TMED5: variants seen among roughly 807,000 people sequenced by gnomAD.
TMED5 encodes the protein transmembrane emp24 domain-containing protein 5.
In TMED5, 27 loss-of-function variants were observed where a neutral mutation model predicts 23.0. The observed-to-expected ratio is 1.17, with a 90% CI of 0.86 to 1.62. The LOEUF (loss-of-function observed/expected upper bound fraction) is 1.62. Among genes scored for constraint, TMED5 ranks in the 40% most tolerant of loss-of-function variants. TMED5 has a pLI of 0.00. For synonymous variants in TMED5, 97 were observed against 100.8 expected (o/e 0.96, Z 0.23); for missense variants, 248 against 273.7 (o/e 0.91, Z 0.66).
At chr1:93,172,208 G>A (rs1386863441) in intron 1 of TMED5, among the ~76,000 whole-genome samples, 3 of 151,948 alleles carry the variant, frequency 2.0e-5, no homozygotes, top group African/African-American at 7.3e-5. Context: ...CTGGAAGCTC[G>A]AGCTAATGTA....
chr1:93,177,647 G>A (rs1370326898), intron 1 of TMED5, among the ~76,000 whole-genome samples: 1 of 115,152 alleles, frequency 8.7e-6, no homozygotes, highest in Non-Finnish European at 1.8e-5. Context: ...AAGATGTAAA[G>A]AATAAAGCTA....
intron 1 of TMED5, among the ~76,000 whole-genome samples, chr1:93,176,615 C>T (rs1648924175): frequency 6.6e-6 from 1 of 152,062 alleles, no homozygotes; most frequent in South Asian, 2.1e-4. Flanking sequence ...CTCACCATAG[C>T]CTCAACCTCC....
intron 1 of TMED5, chr1:93,161,661 ACT>A (rs767382821): frequency 2.0e-5 from 3 of 151,822 alleles, no homozygotes; most frequent in African/African-American, 4.8e-5. Context: ...GTTCTCTCAC[ACT>A]CTCTCTTGTA....
At position 93,154,518 on chromosome 1, in the gene TMED5, A is replaced by C. The variant is rs540103423; in HGVS notation, c.*152T>G. 1 of 617,486 alleles carries C rather than the reference A, an allele frequency of 1.6e-6. No individual in the cohort carries two copies. The highest frequency in any genetic ancestry group is 1.8e-5 in the African/African-American group (1 of 54,208). 38.3% of individuals were successfully genotyped at this position (617,486 alleles called of 1,614,324 possible). On this transcript the variant is annotated 3_prime_UTR_variant, in exon 4 of 4. Transcript: ENST00000370282. ...GATCAGCAGGATTACTTGCACAGAA[A>C]GTGAAGACTTAATTTTCACATTAAA...
intron 1 of TMED5, among the ~76,000 whole-genome samples, chr1:93,177,531 C>T (rs1163025638): frequency 2.2e-5 from 3 of 136,978 alleles, no homozygotes; most frequent in East Asian, 2.4e-4. Context: ...GGGCCAAGGT[C>T]GCGCCACTGC....
chr1:93,169,579 C>G (rs1450528537), intron 1 of TMED5, among the ~76,000 whole-genome samples: 1 of 100,944 alleles, frequency 9.9e-6, no homozygotes, highest in African/African-American at 4.0e-5. Context: ...AAATTGATAA[C>G]AAGAAATCAA....
chr1:93,169,519 A>T (rs1346441447), intron 1 of TMED5, among the ~76,000 whole-genome samples: 1 of 152,104 alleles, frequency 6.6e-6, no homozygotes, highest in Non-Finnish European at 1.5e-5. Flanking sequence ...AAAGAACAGT[A>T]ATACAAACCT....
chr1:93,169,744 T>G (rs1648640241), intron 1 of TMED5, among the ~76,000 whole-genome samples: 1 of 152,140 alleles, frequency 6.6e-6, no homozygotes, highest in African/African-American at 2.4e-5. Flanking sequence ...TAATTATCTA[T>G]GGACATTAAA....
At chr1:93,156,825 AAAAG>A (rs1426465611) in intron 2 of TMED5, among the ~76,000 whole-genome samples, 3 of 151,124 alleles carry the variant, frequency 2.0e-5, no homozygotes, top group Non-Finnish European at 4.4e-5. Context: ...AAAAAAAAAA[AAAAG>A]AAACCAACAA....
At chr1:93,174,103 G>A (rs899060169) in intron 1 of TMED5, among the ~76,000 whole-genome samples, 4 of 151,932 alleles carry the variant, frequency 2.6e-5, no homozygotes, top group East Asian at 1.9e-4. Flanking sequence ...GACTACAGGC[G>A]CGCACCACTG....
rs947667527 is a variant in TMED5, at chr1:93,153,929, A to G, written c.*741T>C. ...TAAGGGTTAGAGAAAATGTGTCCCT[A>G]TGGAGGAGGAAGCTTTTAAACTATA... is the stretch of plus-strand genomic sequence containing the variant. On this transcript the variant is annotated 3_prime_UTR_variant, in exon 4 of 4. Coordinates refer to ENST00000370282, the MANE Select transcript of TMED5 (RefSeq NM_016040.5). 3.3e-5 allele frequency: 5 copies of G among 152,498 alleles called. No homozygotes were observed. The highest frequency in any genetic ancestry group is 9.6e-5 in the African/African-American group (4 of 41,456). 9.4% of individuals were successfully genotyped at this position (152,498 alleles called of 1,614,324 possible). A position where few individuals can be genotyped will look rare whatever the true frequency, so the allele number is the denominator to read the frequency against.
At position 93,151,208 on chromosome 1, in the gene TMED5, T is replaced by C. The variant is rs1324175950; in HGVS notation, c.*3462A>G. 6.6e-6 allele frequency: 1 copy of C among 152,174 alleles called. No homozygotes were observed. The highest frequency in any genetic ancestry group is 1.5e-5 in the Non-Finnish European group (1 of 68,044). The allele number at this position is 152,174 out of a possible 1,614,324, so 9.4% of individuals were successfully genotyped here. The stretch of plus-strand genomic sequence containing the variant: ...TATGACAACAGCCTTCCAGAAGCCT[T>C]AGACACCTGAAAGTGATAGCAGTGC... On this transcript the variant is annotated 3_prime_UTR_variant, in exon 4 of 4. Transcript: ENST00000370282.
chr1:93,156,422 C>G lies in TMED5; in HGVS notation c.349G>C (p.Glu117Gln). The G allele has an allele frequency of 1.2e-6, 2 of 1,613,906 alleles. No homozygotes were observed. The highest frequency in any genetic ancestry group is 1.3e-5 in the African/African-American group (1 of 75,018). ...ATTAATTCAAAGAAAATCACCTTCT[C>G]AGAAATGGTGCTGAATGTATTGTCA... ...CFDNTFSTIS[E>Q]KVIFFELILD... Residue 117 changes from glutamate (E) to glutamine (Q), a missense_variant, in exon 3 of 4, where the codon GAG becomes CAG. Transcript: ENST00000370282.
At chr1:93,169,396 G>T (rs1483613908) in intron 1 of TMED5, among the ~76,000 whole-genome samples, 1 of 152,034 alleles carries the variant, frequency 6.6e-6, no homozygotes. Context: ...AAAAATTTGT[G>T]GGATACAGAG....
chr1:93,175,312 T>TAC (rs1445362035), intron 1 of TMED5, among the ~76,000 whole-genome samples: 122 of 99,790 alleles, frequency 1.2e-3, no homozygotes, highest in African/African-American at 3.6e-3. Flanking sequence ...TATATATATA[T>TAC]ATATACACAC....
intron 2 of TMED5, among the ~76,000 whole-genome samples, chr1:93,158,632 G>A (rs759406081): frequency 1.3e-5 from 2 of 149,774 alleles, no homozygotes; most frequent in Admixed American, 6.7e-5. Context: ...GTACAGCGGC[G>A]CCATCTCAGC....
intron 1 of TMED5, among the ~76,000 whole-genome samples, chr1:93,177,660 C>T (rs1455915027): frequency 2.8e-5 from 4 of 145,294 alleles, no homozygotes; most frequent in Non-Finnish European, 6.0e-5. Context: ...TAAAGCTAAA[C>T]CAAGCCAGCT....
At chr1:93,177,012 GTA>G (rs1648936432) in intron 1 of TMED5, among the ~76,000 whole-genome samples, 2 of 152,138 alleles carry the variant, frequency 1.3e-5, no homozygotes, top group African/African-American at 4.8e-5. Context: ...TATCCAAAAA[GTA>G]TTCTCCTAAA....
At position 93,152,760 on chromosome 1, in the gene TMED5, T is replaced by C. The variant is rs867780150; in HGVS notation, c.*1910A>G. 6.6e-6 allele frequency: 1 copy of C among 152,568 alleles called. No individual in the cohort carries two copies. Among genetic ancestry groups the C allele is most frequent in the Non-Finnish European group, 1.5e-5 (1 of 68,000 alleles). 9.5% of individuals were successfully genotyped at this position (152,568 alleles called of 1,614,324 possible). A position where few individuals can be genotyped will look rare whatever the true frequency, so the allele number is the denominator to read the frequency against. ...TATCTGTACCCTGCTTTATTAGTTA[T>C]GGTACTGTAAATTTGCTTCTCATTG... On this transcript the variant is annotated 3_prime_UTR_variant, in exon 4 of 4. Coordinates refer to ENST00000370282, the MANE Select transcript of TMED5 (RefSeq NM_016040.5).
Sources: allele counts gnomAD v4.1 joint callset (sites outside exome capture counted in the v4.1 genomes callset), GRCh38; gene constraint gnomAD v4.1.1; transcripts MANE v1.5; gene names NCBI Gene and HGNC (gene_info 2026-07-23, HGNC 2026-07-21).